RETREG1: variants seen among roughly 807,000 people sequenced by gnomAD.
RETREG1 encodes the protein reticulophagy regulator 1.
A neutral mutation model predicts 54.8 loss-of-function variants in RETREG1; 44 were observed. The ratio of observed to expected loss-of-function variants is 0.80; its 90% CI spans 0.63 to 1.03. The LOEUF (loss-of-function observed/expected upper bound fraction) is 1.03. RETREG1 is among the 50% of genes least tolerant of loss of function. RETREG1 has a pLI of 0.00. For synonymous variants in RETREG1, 217 were observed against 238.5 expected (o/e 0.91, Z 0.83); for missense variants, 554 against 605.1 (o/e 0.92, Z 0.89).
Position 16,475,103 on chromosome 5 carries a change from C to G in RETREG1, c.1132G>C (p.Glu378Gln), listed in dbSNP as rs1187069453. The G allele has an allele frequency of 6.2e-7, 1 of 1,613,842 alleles. No individual in the cohort carries two copies. Among genetic ancestry groups the G allele is most frequent in the African/African-American group, 1.3e-5 (1 of 74,892 alleles). The change falls in exon 9 of 9, where the codon GAA becomes CAA. Residue 378 changes from glutamate to glutamine, a missense_variant. Around this residue, in one of 4 missense-constraint regions of RETREG1, gnomAD observed 347 missense variants for 412.3 expected, o/e 0.84. Transcript: ENST00000306320. ...GLPTELKRKK[E>Q]QLDSGHRPSK... ...GGTCTGTGACCACTGTCCAACTGTT[C>G]CTTCTTTCTCTTGAGCTCAGTGGGC... is the stretch of plus-strand genomic sequence containing the variant.
At chr5:16,492,518 C>CA (rs918073076) in intron 3 of RETREG1, among the ~76,000 whole-genome samples, 1 of 151,370 alleles carries the variant, frequency 6.6e-6, no homozygotes, top group African/African-American at 2.4e-5. Context: ...GCAACCATGA[C>CA]AAACAGCTGC....
intron 2 of RETREG1, among the ~76,000 whole-genome samples, chr5:16,570,794 G>A (rs538352854): frequency 7.9e-4 from 121 of 152,250 alleles, no homozygotes; most frequent in African/African-American, 2.8e-3. Context: ...CACAACAAGT[G>A]CCTGTTTGGG....
chr5:16,538,511 A>T (rs1050198327), intron 3 of RETREG1, among the ~76,000 whole-genome samples: 1 of 152,150 alleles, frequency 6.6e-6, no homozygotes, highest in Admixed American at 6.5e-5. Flanking sequence ...AAAGCTCTGC[A>T]CGATACTTCT....
intron 3 of RETREG1, among the ~76,000 whole-genome samples, chr5:16,553,397 A>C (rs1428986052): frequency 6.6e-6 from 1 of 152,034 alleles, no homozygotes; most frequent in African/African-American, 2.4e-5. Flanking sequence ...CAAAAACAAA[A>C]ACTTTATTTA....
chr5:16,532,262 C>T (rs1561108652), intron 3 of RETREG1, among the ~76,000 whole-genome samples: 1 of 152,198 alleles, frequency 6.6e-6, no homozygotes, highest in Non-Finnish European at 1.5e-5. Context: ...CGTGGTGGCT[C>T]ATGCCTGTAA....
chr5:16,616,498 C>T (rs763607319), intron 1 of RETREG1, 154 bp downstream of exon 1: 82 of 1,324,512 alleles, frequency 6.2e-5, no homozygotes, highest in Admixed American at 1.3e-4. Context: ...TGAGTGTCTA[C>T]CTGTTCGAGA....
intron 3 of RETREG1, among the ~76,000 whole-genome samples, chr5:16,543,088 A>G (rs894473846): frequency 6.6e-6 from 1 of 152,194 alleles, no homozygotes; most frequent in Non-Finnish European, 1.5e-5. Context: ...ATCATACAGG[A>G]TGTACTCTTT....
chr5:16,507,140 G>A (rs1297568422), intron 3 of RETREG1, among the ~76,000 whole-genome samples: 1 of 152,098 alleles, frequency 6.6e-6, no homozygotes, highest in African/African-American at 2.4e-5. Flanking sequence ...TGAAAATATT[G>A]CATTTCATTA....
chr5:16,551,433 T>C (rs1278134622), intron 3 of RETREG1, among the ~76,000 whole-genome samples: 2 of 152,356 alleles, frequency 1.3e-5, no homozygotes, highest in Admixed American at 6.5e-5. Context: ...CTTCCAAGCA[T>C]GGCATCTTCA....
intron 3 of RETREG1, among the ~76,000 whole-genome samples, chr5:16,518,331 G>A (rs1325718923): frequency 6.7e-6 from 1 of 149,962 alleles, no homozygotes; most frequent in Non-Finnish European, 1.5e-5. Context: ...GTACAAAGAA[G>A]GAAAGGCAAA....
intron 1 of RETREG1, among the ~76,000 whole-genome samples, chr5:16,607,451 T>C (rs1429142733): frequency 1.3e-5 from 2 of 151,962 alleles, no homozygotes; most frequent in Non-Finnish European, 2.9e-5. Context: ...CTGTCTCTAC[T>C]AAAAATACAA....
chr5:16,518,618 T>A (rs1000041716), intron 3 of RETREG1, among the ~76,000 whole-genome samples: 2 of 152,180 alleles, frequency 1.3e-5, no homozygotes, highest in African/African-American at 4.8e-5. Context: ...AAGGAGACTT[T>A]CCAGGGTTCC....
intron 1 of RETREG1, among the ~76,000 whole-genome samples, chr5:16,573,751 T>TG (rs1742254418): frequency 6.8e-6 from 1 of 147,388 alleles, no homozygotes; most frequent in Admixed American, 6.8e-5. Flanking sequence ...TGTTTTTTTT[T>TG]TTTTTTTTTT....
At chr5:16,531,197 C>T (rs1561108181) in intron 3 of RETREG1, among the ~76,000 whole-genome samples, 1 of 152,084 alleles carries the variant, frequency 6.6e-6, no homozygotes, top group Non-Finnish European at 1.5e-5. Flanking sequence ...GTATTCTTAT[C>T]CTATAGCACA....
chr5:16,587,864 G>A (rs1022656524), intron 1 of RETREG1, among the ~76,000 whole-genome samples: 6 of 152,088 alleles, frequency 3.9e-5, no homozygotes, highest in Non-Finnish European at 5.9e-5. Context: ...CCTCTTTGCC[G>A]GAAGCCCTGC....
At chr5:16,533,921 A>G (rs538353902) in intron 3 of RETREG1, among the ~76,000 whole-genome samples, 5 of 152,246 alleles carry the variant, frequency 3.3e-5, no homozygotes, top group African/African-American at 1.2e-4. Flanking sequence ...GCCTGCTTCT[A>G]TCATCGCCAG....
intron 3 of RETREG1, among the ~76,000 whole-genome samples, chr5:16,517,425 G>A (rs1336731906): frequency 2.0e-5 from 3 of 152,172 alleles, no homozygotes; most frequent in Admixed American, 1.3e-4. Context: ...CGATGGAGCT[G>A]GCTCCTAGAA....
chr5:16,532,093 GTTCC>G (rs1429366588), intron 3 of RETREG1, among the ~76,000 whole-genome samples: 2 of 152,208 alleles, frequency 1.3e-5, no homozygotes, highest in East Asian at 3.8e-4. Flanking sequence ...TTAAACAATA[GTTCC>G]TGATATCCAG....
intron 2 of RETREG1, among the ~76,000 whole-genome samples, chr5:16,566,904 A>G (rs1435715064): frequency 1.3e-5 from 2 of 152,226 alleles, no homozygotes; most frequent in Admixed American, 1.3e-4. Flanking sequence ...TGTGAGCAAT[A>G]ATAAGGTTTC....
Sources: gnomAD v4.1 joint callset for allele counts (sites outside exome capture counted in the v4.1 genomes callset) on GRCh38, gnomAD v4.1.1 for gene constraint, gnomAD v4.1.1 regional missense constraint, MANE v1.5 for transcripts, NCBI Gene and HGNC (gene_info 2026-07-23, HGNC 2026-07-21) for gene names.